The following SLC4A10 variants were observed in gnomAD, a reference collection of about 807,000 sequenced individuals.
SLC4A10 encodes solute carrier family 4 member 10, also known as sodium-driven chloride bicarbonate exchanger.
A neutral mutation model predicts 137.7 loss-of-function variants in SLC4A10; 42 were observed. The observed-to-expected ratio is 0.30, with a 90% confidence interval of 0.24 to 0.39. The LOEUF is 0.39. Ranked by LOEUF, SLC4A10 falls within the 10% of genes least tolerant of loss-of-function variation. The pLI is 1.00. For missense variants in SLC4A10, 925 were observed against 1,355.0 expected (o/e 0.68, Z 4.98); for synonymous variants, 474 against 464.1 (o/e 1.02, Z -0.27).
chr2:161,734,566 T>G (rs2047135418), intron 1 of SLC4A10, among the ~76,000 whole-genome samples: 1 of 152,182 alleles, frequency 6.6e-6, no homozygotes, highest in African/African-American at 2.4e-5. Flanking sequence ...TAATACAAAA[T>G]GTATTCATTT....
intron 5 of SLC4A10, among the ~76,000 whole-genome samples, chr2:161,858,559 A>G (rs567674491): frequency 3.9e-5 from 6 of 152,200 alleles, no homozygotes; most frequent in African/African-American, 9.6e-5. Context: ...CTCCAGATAT[A>G]TCTTCTTACC....
intron 1 of SLC4A10, among the ~76,000 whole-genome samples, chr2:161,705,684 G>T (rs2043585200): frequency 6.6e-6 from 1 of 151,602 alleles, no homozygotes; most frequent in Non-Finnish European, 1.5e-5. Context: ...AGGCCCCAGA[G>T]AGTTGCCTTG....
chr2:161,982,846 TGAC>T (rs1700404969), intron 26 of SLC4A10, among the ~76,000 whole-genome samples: 1 of 152,230 alleles, frequency 6.6e-6, no homozygotes, highest in Non-Finnish European at 1.5e-5. Flanking sequence ...GGGGCATGGC[TGAC>T]ATTTTCAACT....
chr2:161,667,245 T>C (rs2039153165), intron 1 of SLC4A10, among the ~76,000 whole-genome samples: 1 of 151,626 alleles, frequency 6.6e-6, no homozygotes, highest in African/African-American at 2.4e-5. Context: ...ATGAATAAAT[T>C]GCCTAATTTT....
chr2:161,948,336 T>C (rs1694198495), intron 17 of SLC4A10, among the ~76,000 whole-genome samples: 1 of 152,138 alleles, frequency 6.6e-6, no homozygotes, highest in African/African-American at 2.4e-5. Flanking sequence ...TGATCAAAAT[T>C]CCACTCTGGA....
chr2:161,854,019 GATAAT>G (rs1256836077), intron 4 of SLC4A10, among the ~76,000 whole-genome samples: 10 of 152,084 alleles, frequency 6.6e-5, no homozygotes, highest in Admixed American at 5.9e-4. Context: ...AAAATAGTAA[GATAAT>G]ATAATATAGA....
At position 161,947,562 on chromosome 2, in the gene SLC4A10, G is replaced by T. The variant is rs756155456; in HGVS notation, c.2104-4G>T. 5 of 1,606,424 alleles carry T rather than the reference G, an allele frequency of 3.1e-6. No individual in the cohort carries two copies. The highest frequency in any genetic ancestry group is 2.5e-6 in the Non-Finnish European group (3 of 1,177,294). On this transcript the variant is annotated splice_polypyrimidine_tract_variant and splice_region_variant and intron_variant, in intron 16 of 26. Coordinates refer to ENST00000446997, the MANE Select transcript of SLC4A10 (RefSeq NM_001178015.2). ...AGCTCCATTTGTTTTACTTCCTCTG[G>T]CAGGAATGCAAATCATTGCATGGAG...
intron 1 of SLC4A10, among the ~76,000 whole-genome samples, chr2:161,752,301 T>G (rs1050047843): frequency 1.3e-5 from 2 of 151,964 alleles, no homozygotes; most frequent in Non-Finnish European, 2.9e-5. Context: ...AATCCTCTCT[T>G]GAAGAAGAGG....
At chr2:161,682,243 G>A (rs1173532107) in intron 1 of SLC4A10, among the ~76,000 whole-genome samples, 1 of 152,060 alleles carries the variant, frequency 6.6e-6, no homozygotes, top group Non-Finnish European at 1.5e-5. Flanking sequence ...TAGTAGTAAA[G>A]ACATGTTTAT....
At chr2:161,806,419 A>G (rs572528288) in intron 3 of SLC4A10, among the ~76,000 whole-genome samples, 1 of 152,076 alleles carries the variant, frequency 6.6e-6, no homozygotes, top group Non-Finnish European at 1.5e-5. Flanking sequence ...TTTCTATTGC[A>G]CTGTCAGGCT....
intron 10 of SLC4A10, among the ~76,000 whole-genome samples, chr2:161,889,416 CT>C (rs1416462206): frequency 1.3e-5 from 2 of 151,960 alleles, no homozygotes; most frequent in Non-Finnish European, 1.5e-5. Context: ...TGGTGCTGGG[CT>C]TTTTTTGGTT....
intron 2 of SLC4A10, among the ~76,000 whole-genome samples, chr2:161,799,052 A>C (rs963161657): frequency 1.3e-5 from 2 of 151,436 alleles, no homozygotes; most frequent in Non-Finnish European, 3.0e-5. Flanking sequence ...TTTTAATGAT[A>C]CTGTTCCATG....
intron 3 of SLC4A10, among the ~76,000 whole-genome samples, chr2:161,826,494 G>T (rs754152903): frequency 1.3e-5 from 2 of 152,122 alleles, no homozygotes; most frequent in Non-Finnish European, 2.9e-5. Flanking sequence ...GTAAAATATT[G>T]TCCAGAAAGT....
chr2:161,848,667 C>T (rs1279537322), intron 4 of SLC4A10, among the ~76,000 whole-genome samples: 1 of 151,930 alleles, frequency 6.6e-6, no homozygotes, highest in Non-Finnish European at 1.5e-5. Flanking sequence ...TTTTTATTGG[C>T]TTTGTTGAAG....
intron 6 of SLC4A10, among the ~76,000 whole-genome samples, chr2:161,871,286 G>C (rs2061101650): frequency 6.6e-6 from 1 of 151,790 alleles, no homozygotes; most frequent in Non-Finnish European, 1.5e-5. Flanking sequence ...CAGACAGAGA[G>C]AGTATTTCTA....
intron 3 of SLC4A10, among the ~76,000 whole-genome samples, chr2:161,813,807 A>G (rs1348408041): frequency 1.3e-5 from 2 of 152,128 alleles, no homozygotes; most frequent in Non-Finnish European, 2.9e-5. Flanking sequence ...AACTGGAGGC[A>G]TTATGCCAGT....
intron 10 of SLC4A10, among the ~76,000 whole-genome samples, chr2:161,888,069 C>T (rs1288786907): frequency 1.3e-5 from 2 of 152,074 alleles, no homozygotes; most frequent in African/African-American, 4.8e-5. Context: ...GAATCCTTCC[C>T]CATTGCTTGT....
intron 16 of SLC4A10, among the ~76,000 whole-genome samples, 173 bp downstream of exon 16, chr2:161,943,070 A>G (rs1334127762): frequency 6.6e-6 from 1 of 152,038 alleles, no homozygotes; most frequent in East Asian, 1.9e-4. Context: ...GTTATCTTTC[A>G]TTATTAAGGT....
chr2:161,638,499 C>T (rs2034784356), intron 1 of SLC4A10, among the ~76,000 whole-genome samples: 1 of 152,020 alleles, frequency 6.6e-6, no homozygotes, highest in Non-Finnish European at 1.5e-5. Flanking sequence ...TGTTTTTATA[C>T]CAGCACCATG....
Sources: gnomAD v4.1 joint callset for allele counts (sites outside exome capture counted in the v4.1 genomes callset) on GRCh38, gnomAD v4.1.1 for gene constraint, MANE v1.5 for transcripts, NCBI Gene and HGNC (gene_info 2026-07-23, HGNC 2026-07-21) for gene names.